The following CAST variants were observed in gnomAD, a reference collection of about 807,000 sequenced individuals.
CAST encodes the protein MIR583 host.
CAST carries 76 observed loss-of-function variants against 119.6 expected under a neutral mutation model. The ratio of observed to expected loss-of-function variants is 0.64; its 90% CI spans 0.53 to 0.77. The LOEUF (loss-of-function observed/expected upper bound fraction) is 0.77, where lower values mean the gene tolerates loss of function less well. Among genes scored for constraint, CAST ranks in the 30% least tolerant of loss-of-function variants. CAST has a pLI of 0.00. For synonymous variants in CAST, 319 were observed against 331.6 expected, an observed-to-expected ratio of 0.96 and a Z score of 0.41; for missense variants, 953 against 946.5, an observed-to-expected ratio of 1.01 and a Z score of -0.09.
intron 3 of CAST, among the ~76,000 whole-genome samples, chr5:96,713,457 C>G (rs888274825): frequency 2.0e-5 from 3 of 152,162 alleles, no homozygotes; most frequent in Admixed American, 1.3e-4. Context: ...ATACCATAAT[C>G]ATATCATCAA....
the CAST span, among the ~76,000 whole-genome samples, chr5:96,456,194 A>C: frequency 6.6e-6 from 1 of 152,258 alleles, no homozygotes; most frequent in South Asian, 2.1e-4. Context: ...AGAAGGAGCC[A>C]ATAGGACCAG....
At chr5:96,489,068 A>G in the CAST span, among the ~76,000 whole-genome samples, 1 of 152,254 alleles carries the variant, frequency 6.6e-6, no homozygotes, top group East Asian at 1.9e-4. Flanking sequence ...ACTTGTTACT[A>G]GTAATTGGAT....
At chr5:96,768,988 TAGC>T (rs1771109497) in intron 29 of CAST, 1 of 152,272 alleles carries the variant, frequency 6.6e-6, no homozygotes, top group Non-Finnish European at 1.5e-5. Context: ...GCCTGGTACT[TAGC>T]AGGTGCTCAA....
chr5:96,307,422 CT>C, the CAST span, among the ~76,000 whole-genome samples: 2 of 152,178 alleles, frequency 1.3e-5, no homozygotes, highest in Admixed American at 1.3e-4. Context: ...TCATCTGTGT[CT>C]TTTAATTGGG....
chr5:96,076,067 A>G, the CAST span, among the ~76,000 whole-genome samples: 43 of 151,488 alleles, frequency 2.8e-4, no homozygotes, highest in Middle Eastern at 3.4e-3. Flanking sequence ...CTGCTTGATA[A>G]CTCTTTTTCT....
intron 1 of CAST, among the ~76,000 whole-genome samples, chr5:96,626,316 G>A (rs953844245): frequency 2.0e-5 from 3 of 152,120 alleles, no homozygotes; most frequent in Non-Finnish European, 4.4e-5. Context: ...TCTTACTCCC[G>A]AGGGTGATTA....
the CAST span, among the ~76,000 whole-genome samples, chr5:95,990,902 C>A: frequency 6.6e-6 from 1 of 152,076 alleles, no homozygotes; most frequent in South Asian, 2.1e-4. Flanking sequence ...CCACACCGAG[C>A]CCATTTTAGA....
At chr5:96,293,032 C>T in the CAST span, among the ~76,000 whole-genome samples, 1 of 152,202 alleles carries the variant, frequency 6.6e-6, no homozygotes, top group East Asian at 1.9e-4. Context: ...GGAGTGCAAA[C>T]AGCAGCCAAC....
chr5:96,491,976 C>T, the CAST span, among the ~76,000 whole-genome samples: 1 of 152,186 alleles, frequency 6.6e-6, no homozygotes, highest in Non-Finnish European at 1.5e-5. Context: ...GTATAACATT[C>T]ATCTCCAGAG....
the CAST span, among the ~76,000 whole-genome samples, chr5:96,100,511 A>G: frequency 1.2e-4 from 18 of 152,296 alleles, no homozygotes; most frequent in African/African-American, 4.3e-4. Context: ...TTCCTATAGC[A>G]CATGGAGTGG....
chr5:96,109,935 A>T, the CAST span, among the ~76,000 whole-genome samples: 1 of 141,860 alleles, frequency 7.0e-6, no homozygotes, highest in African/African-American at 3.0e-5. Flanking sequence ...AAAAATGATA[A>T]AAAAAAAAGA....
At chr5:96,351,341 C>T in the CAST span, among the ~76,000 whole-genome samples, 10 of 152,182 alleles carry the variant, frequency 6.6e-5, no homozygotes, top group South Asian at 1.5e-3. Flanking sequence ...CGGTGGCATG[C>T]GTGTCCTTTT....
the CAST span, among the ~76,000 whole-genome samples, chr5:96,304,631 G>A: frequency 1.3e-5 from 2 of 152,130 alleles, no homozygotes; most frequent in South Asian, 2.1e-4. Context: ...TTTGTATAAG[G>A]TGTAAGGAAG....
At chr5:96,248,970 C>A in the CAST span, among the ~76,000 whole-genome samples, 2 of 152,186 alleles carry the variant, frequency 1.3e-5, no homozygotes, top group African/African-American at 4.8e-5. Context: ...TCTGTTGGGG[C>A]TTCTCTACCT....
At chr5:96,614,536 G>T (rs932650585) in intron 1 of CAST, among the ~76,000 whole-genome samples, 2 of 152,162 alleles carry the variant, frequency 1.3e-5, no homozygotes, top group African/African-American at 2.4e-5. Flanking sequence ...AAGGAAACAT[G>T]ATTTGAAATG....
chr5:96,114,692 A>G, the CAST span, among the ~76,000 whole-genome samples: 1 of 152,218 alleles, frequency 6.6e-6, no homozygotes, highest in Non-Finnish European at 1.5e-5. Flanking sequence ...CCACTGAAGC[A>G]GCAGGCCATA....
chr5:96,426,689 T>A, the CAST span, among the ~76,000 whole-genome samples: 1 of 152,212 alleles, frequency 6.6e-6, no homozygotes, highest in Non-Finnish European at 1.5e-5. Context: ...TATACTCTTA[T>A]TTTTCTTGGC....
chr5:96,301,991 T>C, the CAST span, among the ~76,000 whole-genome samples: 1 of 152,206 alleles, frequency 6.6e-6, no homozygotes, highest in East Asian at 1.9e-4. Context: ...CCTGCCCTAG[T>C]AGAGGTTCTC....
intron 1 of CAST, among the ~76,000 whole-genome samples, chr5:96,633,275 C>A (rs1399340104): frequency 1.3e-5 from 2 of 152,158 alleles, no homozygotes; most frequent in Admixed American, 6.5e-5. Context: ...CTGCTCCTGG[C>A]CATTCTATAG....
Sources: allele counts gnomAD v4.1 joint callset (sites outside exome capture counted in the v4.1 genomes callset), GRCh38; gene constraint gnomAD v4.1.1; transcripts MANE v1.5; gene names NCBI Gene and HGNC (gene_info 2026-07-23, HGNC 2026-07-21).